Variants in MED13 observed in about 807,000 individuals in gnomAD.
MED13 encodes the protein mediator complex subunit 13.
Under a neutral mutation model 225.2 loss-of-function variants are expected in MED13, and 23 were observed. The observed-to-expected ratio is 0.10, with a 90% CI of 0.07 to 0.14. MED13 has a LOEUF of 0.14. Among genes scored for constraint, MED13 ranks in the 10% least tolerant of loss-of-function variants. MED13 has a pLI of 1.00. For synonymous variants in MED13, 942 were observed against 889.2 expected, an observed-to-expected ratio of 1.06 and a Z score of -1.06; for missense variants, 2,197 against 2,594.5, an observed-to-expected ratio of 0.85 and a Z score of 3.33.
intron 3 of MED13, among the ~76,000 whole-genome samples, chr17:62,048,043 C>CATATATATATAT (rs397803988): frequency 3.8e-5 from 5 of 131,160 alleles, no homozygotes; most frequent in African/African-American, 1.1e-4. Context: ...TATACATATA[C>CATATATATATAT]ATATATATAT....
At chr17:62,015,953 TA>T (rs1392920892) in intron 8 of MED13, among the ~76,000 whole-genome samples, 347 of 11,096 alleles carry the variant, frequency 0.031, 29 homozygotes, top group East Asian at 0.19. Context: ...TATATATATA[TA>T]TTTTTTTTTT....
At chr17:62,052,851 G>A (rs2080967953) in intron 2 of MED13, 146 bp from the exon 3 acceptor site, 2 of 477,150 alleles carry the variant, frequency 4.2e-6, no homozygotes, top group Non-Finnish European at 7.0e-6. Flanking sequence ...TGTATCTCTA[G>A]ACATTATCAG....
intron 17 of MED13, 131 bp downstream of exon 17, chr17:61,972,596 T>C: frequency 2.5e-6 from 2 of 815,738 alleles, no homozygotes; most frequent in Admixed American, 5.3e-5. Context: ...AAAGCTAGGA[T>C]TGGACCACAG....
chr17:62,036,478 C>A (rs1052223903), intron 3 of MED13, among the ~76,000 whole-genome samples: 1 of 152,114 alleles, frequency 6.6e-6, no homozygotes, highest in African/African-American at 2.4e-5. Context: ...AGAGTGTACA[C>A]TAAGAAAATA....
intron 10 of MED13, among the ~76,000 whole-genome samples, chr17:61,993,810 A>C (rs1443538466): frequency 6.6e-6 from 1 of 151,832 alleles, no homozygotes; most frequent in Non-Finnish European, 1.5e-5. Flanking sequence ...GCATGCCTGT[A>C]ATCTCAGCTA....
intron 11 of MED13, among the ~76,000 whole-genome samples, chr17:61,988,929 A>G (rs1220995580): frequency 2.6e-5 from 4 of 152,046 alleles, no homozygotes; most frequent in Admixed American, 2.6e-4. Context: ...CTCCCAACTG[A>G]AATTTTGTGT....
intron 3 of MED13, among the ~76,000 whole-genome samples, chr17:62,041,422 A>G (rs2080851430): frequency 1.3e-5 from 2 of 152,122 alleles, no homozygotes; most frequent in Admixed American, 1.3e-4. Flanking sequence ...AAATTTTATG[A>G]GTACACATTC....
intron 27 of MED13, among the ~76,000 whole-genome samples, chr17:61,952,525 A>G (rs1257490907): frequency 6.6e-6 from 1 of 152,196 alleles, no homozygotes; most frequent in Non-Finnish European, 1.5e-5. Flanking sequence ...GGATTCAGGG[A>G]AAGTAGAGCC....
chr17:62,038,456 CATTTTAAAAG>C (rs1310121347), intron 3 of MED13, among the ~76,000 whole-genome samples: 3 of 151,752 alleles, frequency 2.0e-5, no homozygotes, highest in Admixed American at 2.0e-4. Context: ...ATTTTAAAAA[CATTTTAAAAG>C]ATTTTAAAAA....
intron 19 of MED13, 68 bp downstream of exon 19, chr17:61,966,394 A>G (rs2080058355): frequency 4.7e-6 from 6 of 1,265,210 alleles, no homozygotes; most frequent in Non-Finnish European, 4.4e-6. Flanking sequence ...TTTATCTACA[A>G]AAACAGCTGG....
intron 6 of MED13, 38 bp downstream of exon 6, chr17:62,031,403 TAAC>T (rs749929359): frequency 3.4e-6 from 5 of 1,452,762 alleles, no homozygotes; most frequent in East Asian, 4.9e-5. Context: ...GTACACAAAA[TAAC>T]AAATTACCAG....
chr17:62,048,477 ACTTT>A (rs1272484962), intron 3 of MED13, among the ~76,000 whole-genome samples: 7 of 151,682 alleles, frequency 4.6e-5, no homozygotes, highest in Non-Finnish European at 1.0e-4. Flanking sequence ...GAGCCTCTCC[ACTTT>A]CTTCCAGATC....
At chr17:61,974,828 A>G (rs902752690) in intron 16 of MED13, among the ~76,000 whole-genome samples, 5 of 152,216 alleles carry the variant, frequency 3.3e-5, no homozygotes, top group African/African-American at 1.2e-4. Flanking sequence ...AAGTTATTTC[A>G]AAAAAGTAAT....
At chr17:61,995,408 T>C in intron 9 of MED13, 43 bp from the exon 10 acceptor site, 2 of 1,448,132 alleles carry the variant, frequency 1.4e-6, no homozygotes, top group Non-Finnish European at 1.9e-6. Flanking sequence ...CACATAAGCA[T>C]TAAAAATTTC....
intron 10 of MED13, among the ~76,000 whole-genome samples, 158 bp from the exon 11 acceptor site, chr17:61,992,779 C>CT (rs11375627): frequency 1 from 151,644 of 151,688 alleles, 75,800 homozygotes; most frequent in Middle Eastern, 1. Flanking sequence ...CTTATTATTA[C>CT]TTTTTTTTGA....
At chr17:62,008,601 A>G (rs1201108579) in intron 9 of MED13, among the ~76,000 whole-genome samples, 1 of 152,148 alleles carries the variant, frequency 6.6e-6, no homozygotes, top group Non-Finnish European at 1.5e-5. Context: ...TAGCCAAATT[A>G]TCAATCCAAG....
chr17:62,049,580 T>C (rs1041547097), intron 3 of MED13, among the ~76,000 whole-genome samples: 1 of 151,872 alleles, frequency 6.6e-6, no homozygotes, highest in Non-Finnish European at 1.5e-5. Flanking sequence ...ACATTAATAA[T>C]TAAGTGAAAA....
intron 2 of MED13, among the ~76,000 whole-genome samples, chr17:62,062,633 G>T (rs1326978681): frequency 2.7e-5 from 4 of 147,492 alleles, no homozygotes; most frequent in Non-Finnish European, 6.1e-5. Context: ...CACACGGATA[G>T]TTACATTTCC....
intron 3 of MED13, among the ~76,000 whole-genome samples, chr17:62,048,051 T>TATATATAC (rs1603408942): frequency 1.4e-5 from 2 of 144,814 alleles, no homozygotes; most frequent in East Asian, 2.0e-4. Flanking sequence ...TACATATATA[T>TATATATAC]ATATATATAT....
Sources: gnomAD v4.1 joint callset for allele counts (sites outside exome capture counted in the v4.1 genomes callset) on GRCh38, gnomAD v4.1.1 for gene constraint, MANE v1.5 for transcripts, NCBI Gene and HGNC (gene_info 2026-07-23, HGNC 2026-07-21) for gene names.